Variants in LRRK2 observed in about 807,000 individuals in gnomAD.
The protein encoded by LRRK2 is leucine rich repeat kinase 2, also known as leucine-rich repeat serine/threonine-protein kinase 2.
LRRK2 carries 203 observed loss-of-function variants against 302.6 expected under a neutral mutation model. The observed-to-expected ratio is 0.67, with a 90% CI of 0.60 to 0.75. The LOEUF is 0.75. Ranked by LOEUF, LRRK2 falls within the 30% of genes least tolerant of loss-of-function variation. LRRK2 has a pLI of 0.00. For missense variants in LRRK2, 2,830 were observed against 2,951.0 expected, an observed-to-expected ratio of 0.96 and a Z score of 0.95; for synonymous variants, 1,066 against 1,031.9, an observed-to-expected ratio of 1.03 and a Z score of -0.63.
chr12:40,278,200 G>A lies in LRRK2; in HGVS notation c.2180G>A (p.Cys727Tyr). The A allele has an allele frequency of 6.2e-7, 1 of 1,614,122 alleles. No homozygotes were observed. Among genetic ancestry groups the A allele is most frequent in the Non-Finnish European group, 8.5e-7 (1 of 1,180,000 alleles). ...CDQNNSIMVE[C>Y]LLLLGADANQ... ...CAGAATAACAGCATCATGGTTGAAT[G>A]CTTGCTTCTATTGGGAGCAGATGCC... is the stretch of plus-strand genomic sequence containing the variant. Residue 727 changes from cysteine to tyrosine, a missense_variant, in exon 18 of 51, where the codon TGC becomes TAC. Physicochemically the swap from Cys to Tyr is radical, Grantham distance 194 (BLOSUM62 -2). Around this residue, in one of 3 missense-constraint regions of LRRK2, gnomAD observed 2,121 missense variants for 2,148.0 expected, o/e 0.99. Coordinates refer to ENST00000298910, the MANE Select transcript of LRRK2 (RefSeq NM_198578.4).
chr12:40,308,824 C>A, intron 29 of LRRK2, 128 bp downstream of exon 29: 2 of 965,006 alleles, frequency 2.1e-6, no homozygotes, highest in Non-Finnish European at 3.1e-6. Flanking sequence ...CAAAGCCCTT[C>A]ATTTCTCCTA....
chr12:40,276,662 C>T (rs1216468311), intron 16 of LRRK2, among the ~76,000 whole-genome samples: 2 of 152,154 alleles, frequency 1.3e-5, no homozygotes, highest in Admixed American at 1.3e-4. Flanking sequence ...ATGGCCTGCT[C>T]TGCTGTAGCA....
intron 28 of LRRK2, among the ~76,000 whole-genome samples, chr12:40,308,137 G>A (rs963872122): frequency 6.6e-6 from 1 of 152,066 alleles, no homozygotes; most frequent in Non-Finnish European, 1.5e-5. Context: ...ATACATGTAT[G>A]TATATGTGTG....
At chr12:40,270,580 T>C (rs1041607508) in intron 14 of LRRK2, among the ~76,000 whole-genome samples, 5 of 152,114 alleles carry the variant, frequency 3.3e-5, no homozygotes, top group African/African-American at 1.2e-4. Context: ...TTCACTGTGT[T>C]CTAGTACTGA....
chr12:40,333,475 T>G (rs1378990823), intron 39 of LRRK2, among the ~76,000 whole-genome samples: 1 of 152,112 alleles, frequency 6.6e-6, no homozygotes, highest in East Asian at 1.9e-4. Flanking sequence ...CAGAGTAAAG[T>G]GCAATATACA....
At chr12:40,285,898 A>G (rs1263148046) in intron 19 of LRRK2, among the ~76,000 whole-genome samples, 1 of 152,066 alleles carries the variant, frequency 6.6e-6, no homozygotes, top group Non-Finnish European at 1.5e-5. Context: ...TTTGAATATG[A>G]AATAAAACCC....
At chr12:40,291,046 T>G (rs1246961299) in intron 20 of LRRK2, among the ~76,000 whole-genome samples, 1 of 152,032 alleles carries the variant, frequency 6.6e-6, no homozygotes, top group African/African-American at 2.4e-5. Context: ...CCAACAATGA[T>G]AGACTGGATT....
At position 40,357,344 on chromosome 12, in the gene LRRK2, G is replaced by A. The variant is rs1946570480; in HGVS notation, c.6843+1157G>A. Among the ~76,000 whole-genome samples, 5 of 136,702 alleles carry A rather than the reference G, an allele frequency of 3.7e-5. 1 individual carries two copies. In the Admixed American group the frequency reaches 3.9e-4, roughly 11 times the overall value. The allele number at this position is 136,702 out of a possible 152,430, so 89.7% of individuals were successfully genotyped here. Reference sequence around the variant, plus strand: ...TTCTTTATGCATTCATTCATTCATGGGTGCTTAGGTTGATTCCACTTTTTT... The same window carrying A: ...TTCTTTATGCATTCATTCATTCATGAGTGCTTAGGTTGATTCCACTTTTTT... On this transcript the variant is annotated intron_variant, in intron 46 of 50. Transcript: ENST00000298910.
At chr12:40,328,184 A>G (rs963281039) in intron 38 of LRRK2, among the ~76,000 whole-genome samples, 176 bp from the exon 39 acceptor site, 1 of 152,246 alleles carries the variant, frequency 6.6e-6, no homozygotes, top group East Asian at 1.9e-4. Context: ...ATCTTTACAT[A>G]TATCTTTCTT....
chr12:40,234,039 C>A (rs1443668664), intron 3 of LRRK2, among the ~76,000 whole-genome samples: 1 of 152,090 alleles, frequency 6.6e-6, no homozygotes, highest in African/African-American at 2.4e-5. Flanking sequence ...CAAAGACTTA[C>A]CAGTACTGAA....
chr12:40,366,654 C>A, intron 49 of LRRK2: 1 of 242,918 alleles, frequency 4.1e-6, no homozygotes, highest in South Asian at 5.1e-5. Context: ...ACTAAATACT[C>A]ATATTTGTAC....
chr12:40,333,678 C>A (rs540521096), intron 39 of LRRK2, among the ~76,000 whole-genome samples: 1 of 149,486 alleles, frequency 6.7e-6, no homozygotes, highest in African/African-American at 2.5e-5. Context: ...ATATCTCGGA[C>A]TTTTTTTGAA....
chr12:40,270,540 T>G (rs560629881), intron 14 of LRRK2, among the ~76,000 whole-genome samples: 1 of 151,148 alleles, frequency 6.6e-6, no homozygotes, highest in African/African-American at 2.4e-5. Flanking sequence ...TAAAATATTG[T>G]TTTTTTTTCC....
At chr12:40,362,238 T>C (rs1946735935) in intron 47 of LRRK2, among the ~76,000 whole-genome samples, 1 of 152,028 alleles carries the variant, frequency 6.6e-6, no homozygotes, top group Non-Finnish European at 1.5e-5. Context: ...CAACACATCA[T>C]ATTTTTACCT....
At chr12:40,235,552 C>A in intron 3 of LRRK2, 74 bp from the exon 4 acceptor site, 1 of 981,798 alleles carries the variant, frequency 1.0e-6, no homozygotes, top group Non-Finnish European at 1.6e-6. Flanking sequence ...AATAGGTGAG[C>A]AAAAAAAATG....
At chr12:40,297,694 AAGT>A (rs1409499852) in intron 23 of LRRK2, among the ~76,000 whole-genome samples, 1 of 152,160 alleles carries the variant, frequency 6.6e-6, no homozygotes, top group Non-Finnish European at 1.5e-5. Context: ...CATAATGTGT[AAGT>A]AGGGGTTTGC....
intron 14 of LRRK2, among the ~76,000 whole-genome samples, chr12:40,264,548 G>A (rs1942924691): frequency 1.3e-5 from 2 of 152,216 alleles, no homozygotes; most frequent in Non-Finnish European, 2.9e-5. Flanking sequence ...GAACCCAGGA[G>A]GCAGAGGTTG....
intron 40 of LRRK2, among the ~76,000 whole-genome samples, chr12:40,336,323 G>T (rs367661750): frequency 6.6e-6 from 1 of 152,132 alleles, no homozygotes; most frequent in East Asian, 1.9e-4. Flanking sequence ...GAGGATGTCC[G>T]CAACGACCCT....
intron 2 of LRRK2, among the ~76,000 whole-genome samples, chr12:40,229,319 T>G (rs1397122029): frequency 1.3e-5 from 2 of 152,146 alleles, no homozygotes; most frequent in East Asian, 1.9e-4. Flanking sequence ...TTAATAGTAA[T>G]TCTTAATTAC....
Sources: gnomAD v4.1 joint callset for allele counts (sites outside exome capture counted in the v4.1 genomes callset) on GRCh38, gnomAD v4.1.1 for gene constraint, gnomAD v4.1.1 regional missense constraint, MANE v1.5 for transcripts, NCBI Gene and HGNC (gene_info 2026-07-23, HGNC 2026-07-21) for gene names.